Variants in TERF2IP observed in about 807,000 individuals in gnomAD.
TERF2IP encodes the protein TERF2 interacting protein.
TERF2IP carries 35 observed loss-of-function variants against 33.3 expected under a neutral mutation model. The ratio of observed to expected loss-of-function variants is 1.05; its 90% CI spans 0.80 to 1.39. The LOEUF is 1.39. Among genes scored for constraint, TERF2IP ranks in the 40% most tolerant of loss-of-function variants. TERF2IP has a pLI of 0.00. For synonymous variants in TERF2IP, 253 were observed against 223.2 expected (o/e 1.13, Z -1.19); for missense variants, 583 against 524.8 (o/e 1.11, Z -1.08).
In TERF2IP at chr16:75,656,354, A is replaced by G. The variant is rs763328663; in HGVS notation, c.943A>G (p.Ile315Val). ...KVSQPEVGAA[I>V]KIIRQLMEKF... is the part of the protein sequence containing the mutation. ...TTCTCAACCAGAGGTGGGAGCTGCC[A>G]TTAAGATCATTCGGCAGTTAATGGA... Residue 315 changes from isoleucine to valine, a missense_variant, in exon 3 of 3, where the codon ATT becomes GTT. Coordinates refer to ENST00000300086, the MANE Select transcript of TERF2IP (RefSeq NM_018975.4). 6 of 1,614,104 alleles carry G rather than the reference A, an allele frequency of 3.7e-6. No individual in the cohort carries two copies. The African/African-American group carries it at 5.3e-5, about 14-fold the overall frequency.
Position 75,656,389 on chromosome 16 carries a change from C to G in TERF2IP, c.978C>G (p.Asn326Lys), listed in dbSNP as rs1187298566. 1 of 1,614,182 alleles carries G rather than the reference C, an allele frequency of 6.2e-7. No individual in the cohort carries two copies. Among genetic ancestry groups the G allele is most frequent in the Admixed American group, 1.7e-5 (1 of 60,020 alleles). ...KIIRQLMEKF[N>K]LDLSTVTQAF... The stretch of plus-strand genomic sequence containing the variant: ...TTCGGCAGTTAATGGAGAAGTTTAA[C>G]TTGGATCTATCAACAGTTACACAGG... The change falls in exon 3 of 3, where the codon AAC (asparagine) becomes AAG (lysine). Residue 326 changes from asparagine to lysine, a missense_variant. Transcript: ENST00000300086.
intron 1 of TERF2IP, among the ~76,000 whole-genome samples, chr16:75,649,113 C>A (rs1160953800): frequency 6.6e-6 from 1 of 151,850 alleles, no homozygotes; most frequent in South Asian, 2.1e-4. Context: ...GCGATCCTCC[C>A]GTCTCGGTGT....
At chr16:75,655,991 GCA>G (rs370121668) in intron 2 of TERF2IP, among the ~76,000 whole-genome samples, 228 of 147,590 alleles carry the variant, frequency 1.5e-3, no homozygotes, top group African/African-American at 4.2e-3. Flanking sequence ...ACACACACGT[GCA>G]CACACACACG....
At chr16:75,649,468 C>CG (rs2082330672) in intron 1 of TERF2IP, among the ~76,000 whole-genome samples, 1 of 151,284 alleles carries the variant, frequency 6.6e-6, no homozygotes, top group Non-Finnish European at 1.5e-5. Context: ...TGCTTGAACC[C>CG]GGGGGGCGGA....
intron 1 of TERF2IP, 57 bp from the exon 2 acceptor site, chr16:75,654,216 T>C (rs1240442760): frequency 6.7e-7 from 1 of 1,483,722 alleles, no homozygotes; most frequent in African/African-American, 1.4e-5. Context: ...AGCAAATATA[T>C]TTTTGGTTTA....
In TERF2IP at chr16:75,657,298, A is replaced by G. The variant is rs1226883904; in HGVS notation, c.*687A>G. On this transcript the variant is annotated 3_prime_UTR_variant, in exon 3 of 3. Coordinates refer to ENST00000300086, the MANE Select transcript of TERF2IP (RefSeq NM_018975.4). ...ACAACTCTAGAGAGTGTTAAGAATA[A>G]TGTTACTTGGTTAATGTGTTATTTA... is the stretch of plus-strand genomic sequence containing the variant. The G allele has an allele frequency of 3.3e-5, 5 of 152,188 alleles. No individual in the cohort carries two copies. Among genetic ancestry groups the G allele is most frequent in the Non-Finnish European group, 1.5e-5 (1 of 68,046 alleles). The allele number at this position is 152,188 out of a possible 1,614,324, so 9.4% of individuals were successfully genotyped here. A position where few individuals can be genotyped will look rare whatever the true frequency, so the allele number is the denominator to read the frequency against.
intron 1 of TERF2IP, among the ~76,000 whole-genome samples, chr16:75,651,482 G>A (rs2082346767): frequency 6.6e-6 from 1 of 152,190 alleles, no homozygotes; most frequent in Admixed American, 6.5e-5. Flanking sequence ...GAGGTCAGGA[G>A]TTCGAGACCA....
At chr16:75,649,628 T>A (rs923180318) in intron 1 of TERF2IP, among the ~76,000 whole-genome samples, 4 of 152,188 alleles carry the variant, frequency 2.6e-5, no homozygotes, top group Non-Finnish European at 5.9e-5. Context: ...TTAAGAGATA[T>A]TCCACAGACT....
intron 1 of TERF2IP, 34 bp from the exon 2 acceptor site, chr16:75,654,239 T>G (rs1485019735): frequency 1.3e-6 from 2 of 1,562,286 alleles, no homozygotes; most frequent in African/African-American, 2.7e-5. Flanking sequence ...TAAAAGAGGC[T>G]ATTGCTAATC....
At chr16:75,649,753 A>G (rs996762698) in intron 1 of TERF2IP, among the ~76,000 whole-genome samples, 1 of 152,192 alleles carries the variant, frequency 6.6e-6, no homozygotes, top group African/African-American at 2.4e-5. Flanking sequence ...GGTTCTCGGC[A>G]GTTGGAAGGT....
intron 1 of TERF2IP, among the ~76,000 whole-genome samples, chr16:75,651,299 T>C (rs1251925606): frequency 6.6e-6 from 1 of 151,552 alleles, no homozygotes; most frequent in African/African-American, 2.4e-5. Context: ...AGAAAACTAA[T>C]AGAAAAATGA....
intron 2 of TERF2IP, among the ~76,000 whole-genome samples, chr16:75,654,653 AGTT>A (rs1169012340): frequency 2.6e-5 from 4 of 152,224 alleles, no homozygotes; most frequent in African/African-American, 9.6e-5. Context: ...GAATAGGGAC[AGTT>A]GTATAAACAG....
chr16:75,656,420 C>T lies in TERF2IP; in HGVS notation c.1009C>T (p.Leu337=). The T allele has an allele frequency of 1.9e-6, 3 of 1,614,064 alleles. No individual in the cohort carries two copies. The African/African-American group carries it at 4.0e-5, about 22-fold the overall frequency. Residue 337 remains leucine, a synonymous_variant, in exon 3 of 3, where the codon CTA becomes TTA. Transcript: ENST00000300086. The stretch of plus-strand genomic sequence containing the variant: ...TCTATCAACAGTTACACAGGCCTTC[C>T]TAAAAAATAGTGGTGAGCTGGAGGC... ...LDLSTVTQAF[L]KNSGELEATS... is the part of the protein sequence containing the mutation.
chr16:75,652,007 G>A (rs986716602), intron 1 of TERF2IP, among the ~76,000 whole-genome samples: 4 of 152,164 alleles, frequency 2.6e-5, no homozygotes, highest in Non-Finnish European at 5.9e-5. Context: ...AATAGAAATT[G>A]ATACAATTTC....
chr16:75,654,132 A>G, intron 1 of TERF2IP, 141 bp from the exon 2 acceptor site: 1 of 691,242 alleles, frequency 1.4e-6, no homozygotes, highest in African/African-American at 1.9e-5. Flanking sequence ...AATCAAGAAC[A>G]GATGTCTTCT....
rs562055267 is a variant in TERF2IP, at chr16:75,649,174, C to T, written c.670+622C>T. Reference sequence around the variant, plus strand: ...GAGCCATCACACCCAGCTTCTTGGTCTAGTTTTAATTTACTTTACCATTGA... The same window carrying T: ...GAGCCATCACACCCAGCTTCTTGGTTTAGTTTTAATTTACTTTACCATTGA... On this transcript the variant is annotated intron_variant, in intron 1 of 2. Coordinates refer to ENST00000300086, the MANE Select transcript of TERF2IP (RefSeq NM_018975.4). Among the ~76,000 whole-genome samples the T allele has an allele frequency of 8.5e-5, 13 of 152,312 alleles. No homozygotes were observed. The South Asian group carries it at 1.7e-3, about 19-fold the overall frequency.
Position 75,656,419 on chromosome 16 carries a change from C to T in TERF2IP, c.1008C>T (p.Phe336=). Residue 336 remains phenylalanine (F), a synonymous_variant, in exon 3 of 3, where the codon TTC becomes TTT. Transcript: ENST00000300086. ...NLDLSTVTQA[F]LKNSGELEAT... ...ATCTATCAACAGTTACACAGGCCTT[C>T]CTAAAAAATAGTGGTGAGCTGGAGG... 2 of 1,614,104 alleles carry T rather than the reference C, an allele frequency of 1.2e-6. No homozygotes were observed. The highest frequency in any genetic ancestry group is 8.5e-7 in the Non-Finnish European group (1 of 1,180,012).
At chr16:75,655,116 C>T (rs879345293) in intron 2 of TERF2IP, among the ~76,000 whole-genome samples, 2 of 152,130 alleles carry the variant, frequency 1.3e-5, no homozygotes, top group Non-Finnish European at 2.9e-5. Context: ...TCCCAGGTTC[C>T]AGCAATTCTT....
At position 75,648,566 on chromosome 16, in the gene TERF2IP, G is replaced by C. The variant is rs377301067; in HGVS notation, c.670+14G>C. On this transcript the variant is annotated intron_variant, in intron 1 of 2. Transcript: ENST00000300086. ...CGGATAGCGGGGGTGAGGAGGCTGA[G>C]CGCGGGGCCTCGCGGATATCTGCGC... The C allele has an allele frequency of 2.5e-5, 38 of 1,526,646 alleles. No homozygotes were observed. Among genetic ancestry groups the C allele is most frequent in the Non-Finnish European group, 3.4e-5 (38 of 1,132,382 alleles). 94.6% of individuals were successfully genotyped at this position (1,526,646 alleles called of 1,614,324 possible). A position where few individuals can be genotyped will look rare whatever the true frequency, so the allele number is the denominator to read the frequency against.
Sources: gnomAD v4.1 joint callset for allele counts (sites outside exome capture counted in the v4.1 genomes callset) on GRCh38, gnomAD v4.1.1 for gene constraint, MANE v1.5 for transcripts, NCBI Gene and HGNC (gene_info 2026-07-23, HGNC 2026-07-21) for gene names.